VPS41: variants seen among roughly 807,000 people sequenced by gnomAD.
The protein encoded by VPS41 is VPS41 subunit of HOPS complex, also known as vacuolar protein sorting-associated protein 41 homolog.
Under a neutral mutation model 130.9 loss-of-function variants are expected in VPS41, and 85 were observed. That is an observed-to-expected ratio of 0.65 (90% CI 0.55 to 0.78). The LOEUF (loss-of-function observed/expected upper bound fraction) is 0.78. VPS41 is among the 30% of genes least tolerant of loss of function. The pLI is 0.00. For synonymous variants in VPS41, 335 were observed against 332.9 expected (o/e 1.01, Z -0.07); for missense variants, 874 against 1,018.7 (o/e 0.86, Z 1.93).
chr7:38,860,020 T>C lies in VPS41; in HGVS notation c.246+2525A>G, dbSNP rs192676501. On this transcript the variant is annotated intron_variant, in intron 4 of 28. Coordinates refer to ENST00000310301, the MANE Select transcript of VPS41 (RefSeq NM_014396.4). ...GAGTATTAATATACATAATAAAGTA[T>C]CACTCTAGCAGTTGTCATTCTTCAG... 2.6e-5 allele frequency among the ~76,000 whole-genome samples: 4 copies of C among 152,304 alleles called. No individual in the cohort carries two copies. The East Asian group carries it at 7.7e-4, about 29-fold the overall frequency.
Position 38,826,970 on chromosome 7 carries a change from C to G in VPS41, c.321+3284G>C, listed in dbSNP as rs187121797. Among the ~76,000 whole-genome samples, 11 of 152,118 alleles carry G rather than the reference C, an allele frequency of 7.2e-5. No homozygotes were observed. In the East Asian group the frequency reaches 2.1e-3, roughly 29 times the overall value. ...AGTAGCTGGGACTACAGGTGCCCGC[C>G]GCCACACCCGGCTAATTTTTTGTAT... On this transcript the variant is annotated intron_variant, in intron 5 of 28. Transcript: ENST00000310301.
intron 2 of VPS41, among the ~76,000 whole-genome samples, chr7:38,891,243 G>A (rs530962286): frequency 4.5e-4 from 69 of 152,172 alleles, no homozygotes; most frequent in African/African-American, 1.6e-3. Flanking sequence ...GTATAAAGAT[G>A]AATATGTTTT....
chr7:38,754,837 A>C, intron 20 of VPS41, 58 bp downstream of exon 20: 1 of 1,584,400 alleles, frequency 6.3e-7, no homozygotes, highest in Non-Finnish European at 8.7e-7. Context: ...TCTTCTTCAC[A>C]GCTATAGGAG....
intron 25 of VPS41, among the ~76,000 whole-genome samples, chr7:38,735,208 A>G (rs1419206081): frequency 6.6e-6 from 1 of 152,224 alleles, no homozygotes; most frequent in Non-Finnish European, 1.5e-5. Flanking sequence ...TTTGGTCTTA[A>G]AAGTTTATTT....
chr7:38,737,191 T>A (rs1156572911), intron 25 of VPS41, among the ~76,000 whole-genome samples: 3 of 152,006 alleles, frequency 2.0e-5, no homozygotes, highest in Non-Finnish European at 4.4e-5. Context: ...CTGGCCAACA[T>A]GGATAAACTG....
chr7:38,814,379 T>C (rs536408511), intron 7 of VPS41, among the ~76,000 whole-genome samples: 3 of 152,274 alleles, frequency 2.0e-5, no homozygotes, highest in African/African-American at 7.2e-5. Flanking sequence ...AGGCCGGGCG[T>C]GGTGGCTCAC....
intron 10 of VPS41, among the ~76,000 whole-genome samples, chr7:38,780,916 G>A (rs962927368): frequency 2.6e-4 from 40 of 151,968 alleles, no homozygotes; most frequent in Admixed American, 2.0e-3. Context: ...AGAAGTGTGT[G>A]GCATCTACCC....
Position 38,743,492 on chromosome 7 carries a change from G to C in VPS41, c.2032C>G (p.His678Asp), listed in dbSNP as rs1266901884. 6.2e-7 allele frequency: 1 copy of C among 1,613,836 alleles called. No homozygotes were observed. The highest frequency in any genetic ancestry group is 1.3e-5 in the African/African-American group (1 of 74,936). Residue 678 changes from histidine (H) to aspartate (D), a missense_variant, in exon 24 of 29, where the codon CAT (histidine) becomes GAT (aspartate). Physicochemically the swap from His to Asp is moderately conservative, Grantham distance 81 (BLOSUM62 -1). Transcript: ENST00000310301. ...SALKMIMEEL[H>D]DVDKAIEFAK... ...AATTCGATTGCTTTATCAACATCAT[G>C]TAATTCCTCCATAATCATCTTCAGG...
At chr7:38,817,259 C>T (rs1037752791) in intron 7 of VPS41, among the ~76,000 whole-genome samples, 8 of 152,062 alleles carry the variant, frequency 5.3e-5, no homozygotes, top group Non-Finnish European at 1.2e-4. Context: ...TGTTTCAAAG[C>T]TCTAGATGTA....
At position 38,796,756 on chromosome 7, in the gene VPS41, C is replaced by T. The variant is rs34020927; in HGVS notation, c.559G>A (p.Ala187Thr). The change falls in exon 8 of 29, where the codon GCC becomes ACC. Residue 187 changes from alanine (A) to threonine (T), a missense_variant. Transcript: ENST00000310301. ...VKWRGHLIAWANNMGVKIFDI... is the reference protein window; with the variant it reads ...VKWRGHLIAWTNNMGVKIFDI... Reference sequence around the variant, plus strand: ...GGCATATTTTTTACCATATTATTGGCCCAAGCAATCAGATGGCCTCTCCAC... The same window carrying T: ...GGCATATTTTTTACCATATTATTGGTCCAAGCAATCAGATGGCCTCTCCAC... 14 of 1,613,680 alleles carry T rather than the reference C, an allele frequency of 8.7e-6. No homozygotes were observed. The African/African-American group carries it at 1.9e-4, about 22-fold the overall frequency.
intron 7 of VPS41, among the ~76,000 whole-genome samples, chr7:38,799,419 A>T (rs1784683206): frequency 6.6e-6 from 1 of 152,180 alleles, no homozygotes; most frequent in East Asian, 1.9e-4. Flanking sequence ...TGAAAATGAG[A>T]AATACTATAA....
At chr7:38,833,124 A>G (rs1785425866) in intron 4 of VPS41, among the ~76,000 whole-genome samples, 2 of 151,442 alleles carry the variant, frequency 1.3e-5, no homozygotes, top group Admixed American at 1.3e-4. Context: ...ATCTTTCACA[A>G]CTCCTATCAC....
chr7:38,826,268 T>G (rs1308045831), intron 5 of VPS41, among the ~76,000 whole-genome samples: 1 of 152,192 alleles, frequency 6.6e-6, no homozygotes, highest in Non-Finnish European at 1.5e-5. Flanking sequence ...AGACATTGAA[T>G]CTGTTTGCTA....
rs141301546 is a variant in VPS41 at position 38,768,762 on chromosome 7, G to A, written c.1186-1164C>T. On this transcript the variant is annotated intron_variant, in intron 14 of 28. Transcript: ENST00000310301. ...CAATCCTTCCAACCTTTCTCCTCAC[G>A]TCCATGCTTCTCCACTGTGGAGCTT... 1.2e-3 allele frequency among the ~76,000 whole-genome samples: 179 copies of A among 152,190 alleles called. 1 individual carries two copies. The highest frequency in any genetic ancestry group is 1.3e-3 in the Non-Finnish European group (87 of 67,986).
chr7:38,795,513 G>C lies in VPS41; in HGVS notation c.669C>G (p.Cys223Trp). ...TAATCAGTGTCACATTGTCCTTCCAGCAGAGGCTGCAGGGATACATGTCTG... is the reference window on the plus strand; with the variant it reads ...TAATCAGTGTCACATTGTCCTTCCACCAGAGGCTGCAGGGATACATGTCTG... ...LRPDMYPCSL[C>W]WKDNVTLIIG... The change falls in exon 9 of 29, where the codon TGC (cysteine) becomes TGG (tryptophan). Residue 223 changes from cysteine to tryptophan, a missense_variant. Transcript: ENST00000310301. 1 of 1,613,450 alleles carries C rather than the reference G, an allele frequency of 6.2e-7. No individual in the cohort carries two copies. The highest frequency in any genetic ancestry group is 1.1e-5 in the South Asian group (1 of 91,006).
Position 38,723,308 on chromosome 7 carries a change from A to C in VPS41, c.*2938T>G, listed in dbSNP as rs560574763. 1 of 152,232 alleles carries C rather than the reference A, an allele frequency of 6.6e-6. No homozygotes were observed. Among genetic ancestry groups the C allele is most frequent in the Non-Finnish European group, 1.5e-5 (1 of 68,052 alleles). The allele number at this position is 152,232 out of a possible 1,614,324, so 9.4% of individuals were successfully genotyped here. ...GCAAAATGAACTACAAATCTGTTGGAAACTTCTCAAAAATTCTCAAGGATG... is the reference window on the plus strand; with the variant it reads ...GCAAAATGAACTACAAATCTGTTGGCAACTTCTCAAAAATTCTCAAGGATG... On this transcript the variant is annotated 3_prime_UTR_variant, in exon 29 of 29. Coordinates refer to ENST00000310301, the MANE Select transcript of VPS41 (RefSeq NM_014396.4).
At chr7:38,837,654 C>G (rs1257844083) in intron 4 of VPS41, among the ~76,000 whole-genome samples, 1 of 152,176 alleles carries the variant, frequency 6.6e-6, no homozygotes, top group East Asian at 1.9e-4. Context: ...TGTCAGAAGT[C>G]TTGGGTAGAT....
intron 1 of VPS41, among the ~76,000 whole-genome samples, chr7:38,898,705 C>T (rs150519868): frequency 0.01 from 1,551 of 152,236 alleles, 6 homozygotes; most frequent in Non-Finnish European, 0.014. Flanking sequence ...GTTTCCCTCT[C>T]GCTAGACAAT....
chr7:38,855,228 AAAG>A (rs1785956606), intron 4 of VPS41, among the ~76,000 whole-genome samples: 1 of 151,584 alleles, frequency 6.6e-6, no homozygotes, highest in South Asian at 2.1e-4. Context: ...AAAAAAAAAA[AAAG>A]GTGTTTGTGA....
Sources: gnomAD v4.1 joint callset for allele counts (sites outside exome capture counted in the v4.1 genomes callset) on GRCh38, gnomAD v4.1.1 for gene constraint, MANE v1.5 for transcripts, NCBI Gene and HGNC (gene_info 2026-07-23, HGNC 2026-07-21) for gene names.